Variants in FBXL20 observed in about 807,000 individuals in gnomAD.
FBXL20 encodes F-box/LRR-repeat protein 20.
FBXL20 carries 11 observed loss-of-function variants against 64.0 expected under a neutral mutation model. The observed-to-expected ratio is 0.17, with a 90% CI of 0.11 to 0.28. The LOEUF is 0.28. Among genes scored for constraint, FBXL20 ranks in the 10% least tolerant of loss-of-function variants. The pLI, the probability that FBXL20 is intolerant of heterozygous loss-of-function variation, is 1.00. For missense variants in FBXL20, 303 were observed against 526.2 expected, an observed-to-expected ratio of 0.58 and a Z score of 4.15; for synonymous variants, 184 against 189.0, an observed-to-expected ratio of 0.97 and a Z score of 0.22.
intron 5 of FBXL20, among the ~76,000 whole-genome samples, chr17:39,298,333 AT>A (rs2047104966): frequency 2.0e-5 from 3 of 152,006 alleles, no homozygotes; most frequent in Non-Finnish European, 4.4e-5. Flanking sequence ...TGCTGCCTAG[AT>A]TGGTCTTGTA....
At chr17:39,389,104 C>CAAAAA (rs752930971) in intron 1 of FBXL20, among the ~76,000 whole-genome samples, 20 of 52,674 alleles carry the variant, frequency 3.8e-4, no homozygotes, top group Non-Finnish European at 4.7e-4. Flanking sequence ...AACTCCATCT[C>CAAAAA]AAAAAAAAAA....
intron 1 of FBXL20, among the ~76,000 whole-genome samples, chr17:39,374,478 T>C (rs1338850753): frequency 2.0e-5 from 3 of 151,394 alleles, no homozygotes; most frequent in Non-Finnish European, 4.4e-5. Context: ...GAGGCGGAGG[T>C]TGCAGTGAGC....
At chr17:39,370,622 TAA>T (rs71300074) in intron 1 of FBXL20, among the ~76,000 whole-genome samples, 4 of 136,100 alleles carry the variant, frequency 2.9e-5, no homozygotes, top group Non-Finnish European at 3.2e-5. Context: ...CCGTCTCTAC[TAA>T]AAAAAAAAAA....
At chr17:39,288,529 T>C (rs1187850974) in intron 6 of FBXL20, among the ~76,000 whole-genome samples, 3 of 152,072 alleles carry the variant, frequency 2.0e-5, no homozygotes, top group African/African-American at 7.2e-5. Context: ...CCAGTCAGGC[T>C]AGATTTGCTC....
At chr17:39,326,620 TA>T (rs955756542) in intron 2 of FBXL20, among the ~76,000 whole-genome samples, 5 of 151,040 alleles carry the variant, frequency 3.3e-5, no homozygotes, top group African/African-American at 1.2e-4. Context: ...AGACCCTATT[TA>T]AAAAAAATTT....
rs77671567 is a variant in FBXL20, at chr17:39,270,875, A to T, written c.828-19T>A. ...CAATATTCTGTTAAAAAAAAAAAAA[A>T]AACAGTGAAAGTCAAGCTCTTGGTC... On this transcript the variant is annotated intron_variant, in intron 10 of 14. Coordinates refer to ENST00000264658, the MANE Select transcript of FBXL20 (RefSeq NM_032875.3). The T allele has an allele frequency of 6.4e-7, 1 of 1,574,018 alleles. No homozygotes were observed. Among genetic ancestry groups the T allele is most frequent in the East Asian group, 2.3e-5 (1 of 44,268 alleles).
intron 10 of FBXL20, among the ~76,000 whole-genome samples, chr17:39,272,718 A>AGAAAGAAAGAAAGAAAGAAAGAAAGAAAG (rs58951166): frequency 3.8e-5 from 3 of 79,890 alleles, no homozygotes; most frequent in African/African-American, 1.1e-4. Context: ...AAAAAAAAAA[A>AGAAAGAAAGAAAGAAAGAAAGAAAGAAAG]AAAGAAAGAA....
chr17:39,304,012 A>T (rs1177381032), intron 2 of FBXL20, among the ~76,000 whole-genome samples: 1 of 152,010 alleles, frequency 6.6e-6, no homozygotes, highest in Non-Finnish European at 1.5e-5. Context: ...TTTAGCATAG[A>T]AATAACAGAC....
intron 2 of FBXL20, among the ~76,000 whole-genome samples, chr17:39,317,685 TTTTGTTTTTTTTTTTG>T (rs1276034891): frequency 7.7e-5 from 5 of 64,524 alleles, no homozygotes; most frequent in African/African-American, 7.1e-4. Flanking sequence ...TTGTTTTTTT[TTTTGTTTTTTTTTTTG>T]TTTTTTTTTT....
At chr17:39,265,173 A>G (rs1336630107) in intron 13 of FBXL20, among the ~76,000 whole-genome samples, 1 of 152,214 alleles carries the variant, frequency 6.6e-6, no homozygotes, top group African/African-American at 2.4e-5. Context: ...GTTCCAAGGC[A>G]GTTTTCAGTC....
chr17:39,276,393 G>A (rs538737184), intron 9 of FBXL20, among the ~76,000 whole-genome samples: 2 of 151,656 alleles, frequency 1.3e-5, no homozygotes, highest in East Asian at 2.0e-4. Flanking sequence ...TATTGAGGCC[G>A]GGCATGGTGG....
rs1039630522 is a variant in FBXL20, at chr17:39,254,103, A to G, written c.*7357T>C. On this transcript the variant is annotated 3_prime_UTR_variant, in exon 15 of 15. Coordinates refer to ENST00000264658, the MANE Select transcript of FBXL20 (RefSeq NM_032875.3). ...TTCTTTTCTCTTTTTTGTGAGATGG[A>G]GTCTCACTCCGTTGCCCAGGCTGGA... 2 of 152,168 alleles carry G rather than the reference A, an allele frequency of 1.3e-5. No individual in the cohort carries two copies. Among genetic ancestry groups the G allele is most frequent in the African/African-American group, 4.8e-5 (2 of 41,434 alleles). 9.4% of individuals were successfully genotyped at this position (152,168 alleles called of 1,614,324 possible). A position where few individuals can be genotyped will look rare whatever the true frequency, so the allele number is the denominator to read the frequency against.
intron 1 of FBXL20, among the ~76,000 whole-genome samples, chr17:39,357,006 G>T (rs2047747878): frequency 6.7e-6 from 1 of 150,248 alleles, no homozygotes; most frequent in Non-Finnish European, 1.5e-5. Context: ...TGGGTCCAAT[G>T]GCTCATGCCT....
At chr17:39,338,586 T>TA (rs2047552011) in intron 2 of FBXL20, among the ~76,000 whole-genome samples, 1 of 152,206 alleles carries the variant, frequency 6.6e-6, no homozygotes, top group Non-Finnish European at 1.5e-5. Context: ...TAATGTAGTC[T>TA]CAATGTAGTT....
chr17:39,401,297 A>G, intron 1 of FBXL20, 64 bp downstream of exon 1: 1 of 1,610,628 alleles, frequency 6.2e-7, no homozygotes, highest in Non-Finnish European at 8.5e-7. Flanking sequence ...TGCGGAGCGG[A>G]CGTTTTGGGA....
chr17:39,278,913 G>C (rs2046923743), intron 9 of FBXL20, among the ~76,000 whole-genome samples: 1 of 151,660 alleles, frequency 6.6e-6, no homozygotes, highest in Non-Finnish European at 1.5e-5. Context: ...TAGCACTTTG[G>C]GAGGCCAAGG....
intron 1 of FBXL20, among the ~76,000 whole-genome samples, chr17:39,364,562 G>A (rs1349684134): frequency 6.6e-6 from 1 of 152,054 alleles, no homozygotes; most frequent in African/African-American, 2.4e-5. Flanking sequence ...GTGAGCCAAG[G>A]TCGTGCCACT....
At chr17:39,346,191 C>T (rs1380466144) in intron 1 of FBXL20, among the ~76,000 whole-genome samples, 1 of 151,524 alleles carries the variant, frequency 6.6e-6, no homozygotes, top group Non-Finnish European at 1.5e-5. Context: ...AATAATAAAT[C>T]AGATGTGATG....
At chr17:39,318,848 A>G (rs1407216778) in intron 2 of FBXL20, among the ~76,000 whole-genome samples, 7 of 151,976 alleles carry the variant, frequency 4.6e-5, no homozygotes, top group Non-Finnish European at 1.0e-4. Context: ...CTCCCTAAAA[A>G]AGAAGCTCAT....
Sources: allele counts gnomAD v4.1 joint callset (sites outside exome capture counted in the v4.1 genomes callset), GRCh38; gene constraint gnomAD v4.1.1; transcripts MANE v1.5; gene names NCBI Gene and HGNC (gene_info 2026-07-23, HGNC 2026-07-21).